The following VGLL2 variants were observed in gnomAD, a reference collection of about 807,000 sequenced individuals.
The protein encoded by VGLL2 is vestigial like family member 2.
A neutral mutation model predicts 27.0 loss-of-function variants in VGLL2; 18 were observed. The observed-to-expected ratio is 0.67, with a 90% CI of 0.46 to 0.99. The LOEUF (loss-of-function observed/expected upper bound fraction) is 0.99. VGLL2 is among the 50% of genes least tolerant of loss of function. The pLI, the probability that VGLL2 is intolerant of heterozygous loss-of-function variation, is 0.00. For missense variants in VGLL2, 491 were observed against 452.3 expected (o/e 1.09, Z -0.78); for synonymous variants, 220 against 201.1 (o/e 1.09, Z -0.80).
In VGLL2 at chr6:117,268,320, C is replaced by T. The variant is rs762307535; in HGVS notation, c.220C>T (p.Arg74Cys). The change falls in exon 2 of 4, where the codon CGC (arginine) becomes TGC (cysteine). Residue 74 changes from arginine (R) to cysteine (C), a missense_variant. By Grantham distance (180) the Arg-to-Cys change is radical. Transcript: ENST00000326274. The part of the protein sequence containing the change: ...KEEEGSPEKE[R>C]PPEAEYINSR... ...GGAAGAAGGCAGCCCAGAGAAAGAG[C>T]GCCCACCAGAGGCAGAGTACATCAA... 9.5e-5 allele frequency: 154 copies of T among 1,614,048 alleles called. No homozygotes were observed. The highest frequency in any genetic ancestry group is 1.2e-4 in the Non-Finnish European group (146 of 1,180,044).
At position 117,265,734 on chromosome 6, in the gene VGLL2, A is replaced by C. The variant is rs1239749258; in HGVS notation, c.-30A>C. On this transcript the variant is annotated 5_prime_UTR_variant, in exon 1 of 4. Coordinates refer to ENST00000326274, the MANE Select transcript of VGLL2 (RefSeq NM_182645.3). ...TCCGGGGAAGGAGAGTTAATGAAAAAACACTTAACCGTCTCCGCTGCGGAG... is the reference window on the plus strand; with the variant it reads ...TCCGGGGAAGGAGAGTTAATGAAAACACACTTAACCGTCTCCGCTGCGGAG... 6.2e-7 allele frequency: 1 copy of C among 1,604,074 alleles called. No individual in the cohort carries two copies. Among genetic ancestry groups the C allele is most frequent in the Non-Finnish European group, 8.5e-7 (1 of 1,171,198 alleles).
At position 117,270,961 on chromosome 6, in the gene VGLL2, C is replaced by T. The variant is rs1232732272; in HGVS notation, c.810C>T (p.Ser270=). ...CCGGCAGTCCTCCCTGCGAGCTCTC[C>T]GGCAAAGGCGAGCCGGCGGGCGCCG... ...PAPGSPPCEL[S]GKGEPAGAAW... is the part of the protein sequence containing the mutation. The change falls in exon 3 of 4, where the codon TCC becomes TCT. Residue 270 remains serine (S), a synonymous_variant. Transcript: ENST00000326274. 1.6e-6 allele frequency: 2 copies of T among 1,232,004 alleles called. No individual in the cohort carries two copies. The highest frequency in any genetic ancestry group is 2.0e-6 in the Non-Finnish European group (2 of 991,290). The allele number at this position is 1,232,004 out of a possible 1,614,324, so 76.3% of individuals were successfully genotyped here.
chr6:117,269,276 C>T (rs1343515907), intron 2 of VGLL2, among the ~76,000 whole-genome samples: 1 of 152,174 alleles, frequency 6.6e-6, no homozygotes, highest in Non-Finnish European at 1.5e-5. Flanking sequence ...ATCTCAACTT[C>T]CCTTTATTAC....
intron 3 of VGLL2, chr6:117,272,213 C>CCTCCTT (rs549902031): frequency 4.6e-5 from 32 of 696,338 alleles, no homozygotes; most frequent in South Asian, 1.3e-4. Flanking sequence ...TCTTTGTTCT[C>CCTCCTT]CTCCTTCTCC....
chr6:117,270,808 C>G lies in VGLL2; in HGVS notation c.657C>G (p.Ala219=), dbSNP rs1054160158. ...ALGGALGAQA[A]PYPRPAAVHE... ...GCGGCGCCCTCGGCGCCCAGGCCGCCCCCTACCCGCGCCCCGCCGCCGTGC... is the reference window on the plus strand; with the variant it reads ...GCGGCGCCCTCGGCGCCCAGGCCGCGCCCTACCCGCGCCCCGCCGCCGTGC... The change falls in exon 3 of 4, where the codon GCC becomes GCG. Residue 219 remains alanine (A), a synonymous_variant. Transcript: ENST00000326274. The G allele has an allele frequency of 2.1e-6, 3 of 1,436,228 alleles. No individual in the cohort carries two copies. The highest frequency in any genetic ancestry group is 3.0e-5 in the African/African-American group (2 of 67,150). The allele number at this position is 1,436,228 out of a possible 1,614,324, so 89.0% of individuals were successfully genotyped here.
chr6:117,267,619 G>A (rs1773094162), intron 1 of VGLL2, among the ~76,000 whole-genome samples: 1 of 152,104 alleles, frequency 6.6e-6, no homozygotes, highest in South Asian at 2.1e-4. Context: ...ACTTTTTGTG[G>A]CATTTCTTCC....
In VGLL2 at chr6:117,271,158, C is replaced by G. The variant is rs557654562; in HGVS notation, c.913+94C>G. The G allele has an allele frequency of 2.8e-6, 3 of 1,090,586 alleles. No individual in the cohort carries two copies. In the East Asian group the frequency reaches 1.0e-4, roughly 38 times the overall value. The allele number at this position is 1,090,586 out of a possible 1,614,324, so 67.6% of individuals were successfully genotyped here. A position where few individuals can be genotyped will look rare whatever the true frequency, so the allele number is the denominator to read the frequency against. On this transcript the variant is annotated intron_variant, in intron 3 of 3. Coordinates refer to ENST00000326274, the MANE Select transcript of VGLL2 (RefSeq NM_182645.3). ...AGACCCCTTAATCCTCCTTGGAGAC[C>G]TTGAATTCTGTGGCCCAAGGATCTG...
At position 117,271,038 on chromosome 6, in the gene VGLL2, A is replaced by G. The variant is rs2128517323; in HGVS notation, c.887A>G (p.Gln296Arg). The stretch of plus-strand genomic sequence containing the variant: ...GCGAGCCCCTCGGGGGACGTGGCCC[A>G]GGGTCTGGGCCTCAGCGTGGACTCA... Reference protein sequence around the residue: ...PFASPSGDVAQGLGLSVDSAR... With the variant: ...PFASPSGDVARGLGLSVDSAR... The change falls in exon 3 of 4, where the codon CAG (glutamine) becomes CGG (arginine). Residue 296 changes from glutamine (Q) to arginine (R), a missense_variant. By Grantham distance (43) the Gln-to-Arg change is conservative. Transcript: ENST00000326274. 8.1e-6 allele frequency: 10 copies of G among 1,231,244 alleles called. No individual in the cohort carries two copies. The highest frequency in any genetic ancestry group is 1.0e-5 in the Non-Finnish European group (10 of 989,410). 76.3% of individuals were successfully genotyped at this position (1,231,244 alleles called of 1,614,324 possible).
intron 1 of VGLL2, 98 bp downstream of exon 1, chr6:117,265,942 C>A: frequency 8.4e-7 from 1 of 1,186,880 alleles, no homozygotes; most frequent in Non-Finnish European, 1.2e-6. Context: ...CCGCGCGTCT[C>A]GGGCGTCCGA....
chr6:117,268,331 G>A lies in VGLL2; in HGVS notation c.231G>A (p.Glu77=), dbSNP rs1353491215. ...EGSPEKERPP[E]AEYINSRCVL... ...GCCCAGAGAAAGAGCGCCCACCAGA[G>A]GCAGAGTACATCAACTCCCGCTGCG... The change falls in exon 2 of 4, where the codon GAG becomes GAA. Residue 77 remains glutamate (E), a synonymous_variant. Transcript: ENST00000326274. The A allele has an allele frequency of 6.2e-7, 1 of 1,614,166 alleles. No individual in the cohort carries two copies. Among genetic ancestry groups the A allele is most frequent in the Non-Finnish European group, 8.5e-7 (1 of 1,180,044 alleles).
intron 3 of VGLL2, 70 bp from the exon 4 acceptor site, chr6:117,272,384 A>G (rs1779246312): frequency 1.2e-6 from 2 of 1,613,808 alleles, no homozygotes; most frequent in East Asian, 2.2e-5. Flanking sequence ...AGGTCTCTGC[A>G]TAGTGCAATT....
In VGLL2 at chr6:117,271,024, G is replaced by GGGGGACGTGGCCCAGGGTC. The variant is rs1562231989; in HGVS notation, c.874_892dup (p.Leu298ArgfsTer30). On this transcript the variant is annotated frameshift_variant, in exon 3 of 4. Transcript: ENST00000326274. Reference sequence around the variant, plus strand: ...CCGGGGGACCCTTCGCGAGCCCCTCGGGGGACGTGGCCCAGGGTCTGGGCC... The same window carrying GGGGGACGTGGCCCAGGGTC: ...CCGGGGGACCCTTCGCGAGCCCCTCGGGGGACGTGGCCCAGGGTCGGGGACGTGGCCCAGGGTCTGGGCC... The GGGGGACGTGGCCCAGGGTC allele has an allele frequency of 1.6e-6, 2 of 1,232,082 alleles. No homozygotes were observed. Among genetic ancestry groups the GGGGGACGTGGCCCAGGGTC allele is most frequent in the East Asian group, 6.4e-5 (2 of 31,474 alleles). 76.3% of individuals were successfully genotyped at this position (1,232,082 alleles called of 1,614,324 possible).
chr6:117,270,805 C>A lies in VGLL2; in HGVS notation c.654C>A (p.Ala218=). ...YALGGALGAQ[A]APYPRPAAVH... ...TGGGCGGCGCCCTCGGCGCCCAGGC[C>A]GCCCCCTACCCGCGCCCCGCCGCCG... Residue 218 remains alanine (A), a synonymous_variant, in exon 3 of 4, where the codon GCC becomes GCA. Transcript: ENST00000326274. 7.0e-7 allele frequency: 1 copy of A among 1,436,806 alleles called. No individual in the cohort carries two copies. The highest frequency in any genetic ancestry group is 3.2e-5 in the East Asian group (1 of 31,662). 89.0% of individuals were successfully genotyped at this position (1,436,806 alleles called of 1,614,324 possible).
intron 2 of VGLL2, among the ~76,000 whole-genome samples, chr6:117,270,339 C>T (rs953188343): frequency 2.0e-5 from 3 of 152,084 alleles, no homozygotes; most frequent in Non-Finnish European, 4.4e-5. Flanking sequence ...TCCCCCACCT[C>T]GCTTTCACAG....
chr6:117,268,942 A>C (rs973972934), intron 2 of VGLL2, among the ~76,000 whole-genome samples: 1 of 152,198 alleles, frequency 6.6e-6, no homozygotes, highest in African/African-American at 2.4e-5. Flanking sequence ...TCTAAAGAGC[A>C]CTTTCCCAAT....
At chr6:117,270,495 C>G (rs1773161993) in intron 2 of VGLL2, 48 bp from the exon 3 acceptor site, 3 of 1,525,436 alleles carry the variant, frequency 2.0e-6, no homozygotes, top group Admixed American at 2.0e-5. Flanking sequence ...CGCAGTGACA[C>G]GCACCTCTTT....
chr6:117,265,802 T>A lies in VGLL2; in HGVS notation c.39T>A (p.Pro13=). The A allele has an allele frequency of 1.2e-6, 2 of 1,614,184 alleles. No homozygotes were observed. Among genetic ancestry groups the A allele is most frequent in the Non-Finnish European group, 1.7e-6 (2 of 1,180,006 alleles). The part of the protein sequence containing the change: ...CLDVMYQVYG[P]PQPYFAAAYT... ...ATGTTATGTACCAAGTCTATGGTCC[T>A]CCGCAGCCCTACTTCGCAGCCGCCT... Residue 13 remains proline, a synonymous_variant, in exon 1 of 4, where the codon CCT becomes CCA. Transcript: ENST00000326274.
At chr6:117,271,115 C>T (rs1773187305) in intron 3 of VGLL2, 51 bp downstream of exon 3, 2 of 1,193,872 alleles carry the variant, frequency 1.7e-6, no homozygotes, top group Non-Finnish European at 1.0e-6. Flanking sequence ...GCCCCGTACC[C>T]GACCCTGGGC....
chr6:117,270,150 G>C (rs192797125), intron 2 of VGLL2, among the ~76,000 whole-genome samples: 6 of 152,200 alleles, frequency 3.9e-5, no homozygotes, highest in Non-Finnish European at 5.9e-5. Flanking sequence ...AGGAAAGGGA[G>C]GCCGTGCTGC....
Sources: gnomAD v4.1 joint callset for allele counts (sites outside exome capture counted in the v4.1 genomes callset) on GRCh38, gnomAD v4.1.1 for gene constraint, MANE v1.5 for transcripts, NCBI Gene and HGNC (gene_info 2026-07-23, HGNC 2026-07-21) for gene names.